The following GRK5 variants were observed in gnomAD, a reference collection of about 807,000 sequenced individuals.
The protein encoded by GRK5 is G protein-coupled receptor kinase 5, also known as g protein-coupled receptor kinase GRK5.
A neutral mutation model predicts 78.4 loss-of-function variants in GRK5; 40 were observed. The observed-to-expected ratio is 0.51, with a 90% confidence interval of 0.40 to 0.66. The LOEUF is 0.66. Among genes scored for constraint, GRK5 ranks in the 30% least tolerant of loss-of-function variants. GRK5 has a pLI of 0.00. For synonymous variants in GRK5, 289 were observed against 296.8 expected (o/e 0.97, Z 0.27); for missense variants, 598 against 759.9 (o/e 0.79, Z 2.50).
intron 5 of GRK5, 48 bp from the exon 6 acceptor site, chr10:119,424,945 G>A (rs773078393): frequency 5.2e-6 from 7 of 1,343,628 alleles, no homozygotes; most frequent in Non-Finnish European, 7.5e-6. Flanking sequence ...CCCCCTGCTT[G>A]AAGATCGGGA....
chr10:119,398,905 G>C (rs1004805289), intron 4 of GRK5, among the ~76,000 whole-genome samples: 1 of 152,256 alleles, frequency 6.6e-6, no homozygotes, highest in African/African-American at 2.4e-5. Context: ...CCCTTTGCCT[G>C]ACCTTGCTGT....
rs564929873 is a variant in GRK5 at position 119,451,816 on chromosome 10, A to G, written c.1405-855A>G. Among the ~76,000 whole-genome samples the G allele has an allele frequency of 1.4e-3, 214 of 152,366 alleles. 1 individual carries two copies. The highest frequency in any genetic ancestry group is 4.8e-3 in the African/African-American group (200 of 41,598). On this transcript the variant is annotated intron_variant, in intron 13 of 15. Coordinates refer to ENST00000392870, the MANE Select transcript of GRK5 (RefSeq NM_005308.3). Reference sequence around the variant, plus strand: ...GAACCTTCCTGGCATGGCGGAGCCCATGCTGAGCCGGTGCACTGATTCACA... The same window carrying G: ...GAACCTTCCTGGCATGGCGGAGCCCGTGCTGAGCCGGTGCACTGATTCACA...
chr10:119,290,353 AAAAAAAAAAAC>A (rs1273408796), intron 1 of GRK5, among the ~76,000 whole-genome samples: 6 of 144,154 alleles, frequency 4.2e-5, no homozygotes, highest in East Asian at 2.0e-4. Flanking sequence ...TCTCAAAAAA[AAAAAAAAAAAC>A]AAAAAACAAC....
At position 119,326,334 on chromosome 10, in the gene GRK5, A is replaced by T. The variant is rs550255372; in HGVS notation, c.53-182A>T. ...AGGACTGTGCGGGATACTGGGGCTC[A>T]CAGCCCACCTGGGAGGAAGAGTGTG... On this transcript the variant is annotated intron_variant, in intron 1 of 15. Transcript: ENST00000392870. Among the ~76,000 whole-genome samples, 6 of 152,336 alleles carry T rather than the reference A, an allele frequency of 3.9e-5. No individual in the cohort carries two copies. The South Asian group carries it at 1.2e-3, about 32-fold the overall frequency.
At chr10:119,441,358 T>C (rs10886483) in intron 10 of GRK5, among the ~76,000 whole-genome samples, 60,655 of 152,034 alleles carry the variant, frequency 0.4, 13,450 homozygotes, top group Non-Finnish European at 0.47. Context: ...TTCCTTCCTG[T>C]GGGGTAAGTT....
rs1383522758 is a variant in GRK5, at chr10:119,443,767, G to T, written c.1266+15G>T. 50 of 1,581,438 alleles carry T rather than the reference G, an allele frequency of 3.2e-5. No homozygotes were observed. Among genetic ancestry groups the T allele is most frequent in the Non-Finnish European group, 4.1e-5 (48 of 1,159,180 alleles). ...TCTGCAAGATGGTGAGCTCCTGGTG[G>T]CCAGATGCCACCCTCAAGCTGGTGG... is the stretch of plus-strand genomic sequence containing the variant. On this transcript the variant is annotated intron_variant, in intron 12 of 15. Transcript: ENST00000392870.
At chr10:119,416,695 G>C (rs1270153686) in intron 4 of GRK5, among the ~76,000 whole-genome samples, 3 of 152,038 alleles carry the variant, frequency 2.0e-5, no homozygotes, top group African/African-American at 7.2e-5. Context: ...CTGGGTTCAA[G>C]CGATTCTCGT....
At position 119,326,443 on chromosome 10, in the gene GRK5, G is replaced by A. The variant is rs565807282; in HGVS notation, c.53-73G>A. ...CTCTGTCTCTCAGCCCAGGAGGCTG[G>A]TGGGCAGGCTCACTGCGGGGACGCC... is the stretch of plus-strand genomic sequence containing the variant. On this transcript the variant is annotated intron_variant, in intron 1 of 15. Transcript: ENST00000392870. 20 of 1,242,624 alleles carry A rather than the reference G, an allele frequency of 1.6e-5. No homozygotes were observed. The East Asian group carries it at 4.2e-4, about 26-fold the overall frequency. The allele number at this position is 1,242,624 out of a possible 1,614,324, so 77.0% of individuals were successfully genotyped here. A position where few individuals can be genotyped will look rare whatever the true frequency, so the allele number is the denominator to read the frequency against.
intron 6 of GRK5, among the ~76,000 whole-genome samples, chr10:119,427,562 G>A (rs539852005): frequency 4.7e-5 from 7 of 147,654 alleles, no homozygotes; most frequent in East Asian, 2.0e-4. Flanking sequence ...CAGTATCACC[G>A]CCATCATCAG....
intron 1 of GRK5, among the ~76,000 whole-genome samples, chr10:119,292,761 T>G (rs1304906517): frequency 1.3e-5 from 2 of 152,208 alleles, no homozygotes; most frequent in Non-Finnish European, 2.9e-5. Flanking sequence ...CTAGATATAA[T>G]GTAAATGCTA....
At chr10:119,263,615 C>G (rs759568746) in intron 1 of GRK5, among the ~76,000 whole-genome samples, 5 of 152,138 alleles carry the variant, frequency 3.3e-5, no homozygotes, top group Non-Finnish European at 7.4e-5. Context: ...CTCTTCCCCT[C>G]TCCTCCAAGT....
At chr10:119,262,993 C>G (rs964627177) in intron 1 of GRK5, among the ~76,000 whole-genome samples, 6 of 152,098 alleles carry the variant, frequency 3.9e-5, no homozygotes, top group South Asian at 2.1e-4. Context: ...CTTACTATAT[C>G]TCTTGGAGAT....
At chr10:119,340,559 G>C (rs1251727276) in intron 2 of GRK5, among the ~76,000 whole-genome samples, 1 of 152,192 alleles carries the variant, frequency 6.6e-6, no homozygotes, top group African/African-American at 2.4e-5. Flanking sequence ...TTAACACTTT[G>C]GTCTGTTGCC....
intron 9 of GRK5, among the ~76,000 whole-genome samples, chr10:119,437,061 C>T (rs1219021864): frequency 2.6e-5 from 4 of 152,206 alleles, no homozygotes; most frequent in Admixed American, 1.3e-4. Context: ...CTCCAGCCTC[C>T]AAAGTTTAGG....
intron 8 of GRK5, among the ~76,000 whole-genome samples, chr10:119,432,640 T>C (rs773974933): frequency 1.3e-4 from 20 of 152,240 alleles, no homozygotes; most frequent in Admixed American, 1.3e-4. Flanking sequence ...GGAATGTTTT[T>C]CCCTTACATT....
chr10:119,398,319 C>T (rs1426051185), intron 4 of GRK5, among the ~76,000 whole-genome samples: 1 of 152,188 alleles, frequency 6.6e-6, no homozygotes, highest in Non-Finnish European at 1.5e-5. Flanking sequence ...GGTGCATGCA[C>T]CCTAGAGGGC....
chr10:119,409,017 A>T (rs536753153), intron 4 of GRK5, among the ~76,000 whole-genome samples: 3 of 152,278 alleles, frequency 2.0e-5, no homozygotes, highest in Non-Finnish European at 4.4e-5. Flanking sequence ...CAGGTGTAGC[A>T]GGGGGCAAGC....
At chr10:119,309,519 C>T (rs1184057136) in intron 1 of GRK5, among the ~76,000 whole-genome samples, 1 of 152,232 alleles carries the variant, frequency 6.6e-6, no homozygotes, top group Non-Finnish European at 1.5e-5. Flanking sequence ...AGAGTCAGGG[C>T]AGAGTAATGG....
At chr10:119,453,917 G>A (rs1889429) in intron 15 of GRK5, among the ~76,000 whole-genome samples, 14,059 of 152,134 alleles carry the variant, frequency 0.092, 923 homozygotes, top group East Asian at 0.31. Flanking sequence ...AAGGGTTGGT[G>A]TGGGCCAATG....
Sources: gnomAD v4.1 joint callset for allele counts (sites outside exome capture counted in the v4.1 genomes callset) on GRCh38, gnomAD v4.1.1 for gene constraint, MANE v1.5 for transcripts, NCBI Gene and HGNC (gene_info 2026-07-23, HGNC 2026-07-21) for gene names.